Variants in PRICKLE1 observed in about 807,000 individuals in gnomAD.
PRICKLE1 encodes prickle planar cell polarity protein 1.
Under a neutral mutation model 70.2 loss-of-function variants are expected in PRICKLE1, and 14 were observed. The observed-to-expected ratio is 0.20, with a 90% CI of 0.13 to 0.31. The LOEUF is 0.31. Among genes scored for constraint, PRICKLE1 ranks in the 10% least tolerant of loss-of-function variants. The pLI is 1.00. For missense variants in PRICKLE1, 821 were observed against 1,026.2 expected, an observed-to-expected ratio of 0.80 and a Z score of 2.73; for synonymous variants, 357 against 379.9, an observed-to-expected ratio of 0.94 and a Z score of 0.70.
rs569357487 is a variant in PRICKLE1, at chr12:42,541,818, C to T, written c.-49+47647G>A. Among the ~76,000 whole-genome samples, 23 of 152,264 alleles carry T rather than the reference C, an allele frequency of 1.5e-4. No homozygotes were observed. The East Asian group carries it at 3.5e-3, about 23-fold the overall frequency. On this transcript the variant is annotated intron_variant, in intron 1 of 7. Coordinates refer to ENST00000345127, the MANE Select transcript of PRICKLE1 (RefSeq NM_153026.3). ...GTTCCCTACATTAGGCTGACCTTTCCTTGAAGGTAGAATAGTGAGCATGTT... is the reference window on the plus strand; with the variant it reads ...GTTCCCTACATTAGGCTGACCTTTCTTTGAAGGTAGAATAGTGAGCATGTT...
chr12:42,470,617 A>G (rs908960684), intron 2 of PRICKLE1, among the ~76,000 whole-genome samples: 3 of 152,044 alleles, frequency 2.0e-5, no homozygotes, highest in Non-Finnish European at 4.4e-5. Context: ...CACATTTAAG[A>G]CCACTCTTCC....
intron 1 of PRICKLE1, among the ~76,000 whole-genome samples, chr12:42,554,173 G>T (rs1940374157): frequency 6.6e-6 from 1 of 152,146 alleles, no homozygotes; most frequent in Non-Finnish European, 1.5e-5. Flanking sequence ...CACCCATCAA[G>T]CTGTGGTGAC....
At chr12:42,463,345 T>A (rs1370808849) in intron 7 of PRICKLE1, among the ~76,000 whole-genome samples, 1 of 152,012 alleles carries the variant, frequency 6.6e-6, no homozygotes, top group Non-Finnish European at 1.5e-5. Context: ...ATTACAGTAA[T>A]ATTTTAGAAT....
chr12:42,465,402 T>C (rs1405541833), intron 6 of PRICKLE1, 144 bp from the exon 7 acceptor site: 4 of 745,278 alleles, frequency 5.4e-6, no homozygotes, highest in Non-Finnish European at 8.7e-6. Flanking sequence ...CCTCATTCTT[T>C]GTGGATTCTG....
chr12:42,490,186 G>A (rs571614590), intron 1 of PRICKLE1, among the ~76,000 whole-genome samples: 66 of 152,286 alleles, frequency 4.3e-4, no homozygotes, highest in African/African-American at 6.5e-4. Context: ...ATATTGATAC[G>A]TCAATTCGGT....
At chr12:42,520,033 T>G (rs1185579588) in intron 1 of PRICKLE1, among the ~76,000 whole-genome samples, 1 of 152,190 alleles carries the variant, frequency 6.6e-6, no homozygotes, top group Non-Finnish European at 1.5e-5. Flanking sequence ...ATACAAGTTC[T>G]GATAAGGCAT....
At chr12:42,521,650 G>A (rs888444804) in intron 1 of PRICKLE1, among the ~76,000 whole-genome samples, 9 of 151,896 alleles carry the variant, frequency 5.9e-5, no homozygotes, top group African/African-American at 2.2e-4. Context: ...GCAGTGAGCT[G>A]AGATTGCACC....
At chr12:42,545,953 A>G (rs1477806696) in intron 1 of PRICKLE1, among the ~76,000 whole-genome samples, 1 of 150,542 alleles carries the variant, frequency 6.6e-6, no homozygotes, top group East Asian at 1.9e-4. Flanking sequence ...ATGACTTAGT[A>G]AAAAAAAATC....
At chr12:42,500,249 C>T (rs1939281387) in intron 1 of PRICKLE1, among the ~76,000 whole-genome samples, 1 of 152,156 alleles carries the variant, frequency 6.6e-6, no homozygotes, top group Non-Finnish European at 1.5e-5. Context: ...CAAATGACAC[C>T]CTGAGCTTTC....
chr12:42,471,064 C>T (rs1938302883), intron 2 of PRICKLE1, among the ~76,000 whole-genome samples: 1 of 152,150 alleles, frequency 6.6e-6, no homozygotes, highest in African/African-American at 2.4e-5. Context: ...TTAATTTGCT[C>T]TCTGAATTTT....
intron 5 of PRICKLE1, among the ~76,000 whole-genome samples, chr12:42,468,124 T>G (rs1308258214): frequency 6.6e-6 from 1 of 152,210 alleles, no homozygotes; most frequent in Non-Finnish European, 1.5e-5. Context: ...AAATCTAAAA[T>G]TATTTTAAAA....
intron 1 of PRICKLE1, among the ~76,000 whole-genome samples, chr12:42,533,866 C>T (rs891955451): frequency 2.0e-5 from 3 of 152,016 alleles, no homozygotes; most frequent in Non-Finnish European, 4.4e-5. Context: ...CCCTCCCACA[C>T]AAAAACGCCC....
chr12:42,462,842 T>C (rs1828033403), intron 7 of PRICKLE1, among the ~76,000 whole-genome samples: 1 of 152,242 alleles, frequency 6.6e-6, no homozygotes, highest in African/African-American at 2.4e-5. Flanking sequence ...TTGTTGCAAA[T>C]AATTTGCATA....
At chr12:42,470,194 C>A in intron 3 of PRICKLE1, 52 bp downstream of exon 3, 1 of 1,280,452 alleles carries the variant, frequency 7.8e-7, no homozygotes, top group Admixed American at 1.7e-5. Flanking sequence ...CTCAATGCTT[C>A]TCATGCATTT....
chr12:42,554,918 G>A (rs1433425769), intron 1 of PRICKLE1, among the ~76,000 whole-genome samples: 4 of 151,610 alleles, frequency 2.6e-5, no homozygotes, highest in African/African-American at 9.7e-5. Context: ...ACCTCACTAG[G>A]TAGTGCAATA....
chr12:42,514,887 C>CTCTATCTATCTATCATCTA lies in PRICKLE1; in HGVS notation c.-48-42324_-48-42323insTAGATGATAGATAGATAGA, dbSNP rs753352201. ...CTACTCTAACTTTTTTTAAGGCTCGCTCTATCTATCTATCTATCTATCTAT... is the reference window on the plus strand; with the variant it reads ...CTACTCTAACTTTTTTTAAGGCTCGCTCTATCTATCTATCATCTATCTATCTATCTATCTATCTATCTAT... On this transcript the variant is annotated intron_variant, in intron 1 of 7. Transcript: ENST00000345127. Among the ~76,000 whole-genome samples the CTCTATCTATCTATCATCTA allele has an allele frequency of 9.8e-4, 137 of 139,794 alleles. 1 individual carries two copies. The highest frequency in any genetic ancestry group is 1.5e-3 in the African/African-American group (56 of 36,368). The allele number at this position is 139,794 out of a possible 152,430, so 91.7% of individuals were successfully genotyped here.
chr12:42,543,859 C>T (rs1321999941), intron 1 of PRICKLE1, among the ~76,000 whole-genome samples: 1 of 152,140 alleles, frequency 6.6e-6, no homozygotes, highest in Non-Finnish European at 1.5e-5. Context: ...CTGCTGTTGA[C>T]CAGAAGCCTC....
chr12:42,575,691 C>CT (rs1940793465), intron 1 of PRICKLE1, among the ~76,000 whole-genome samples: 6 of 150,422 alleles, frequency 4.0e-5, no homozygotes, highest in Admixed American at 4.0e-4. Context: ...GAAACTCCAT[C>CT]TCAAAAAAAA....
intron 1 of PRICKLE1, among the ~76,000 whole-genome samples, chr12:42,542,745 G>A (rs549036889): frequency 6.6e-6 from 1 of 152,332 alleles, no homozygotes; most frequent in East Asian, 1.9e-4. Context: ...CAATAAGGTT[G>A]TATTTTGCAT....
Sources: gnomAD v4.1 joint callset for allele counts (sites outside exome capture counted in the v4.1 genomes callset) on GRCh38, gnomAD v4.1.1 for gene constraint, MANE v1.5 for transcripts, NCBI Gene and HGNC (gene_info 2026-07-23, HGNC 2026-07-21) for gene names.